Variants in PARD3 observed in about 807,000 individuals in gnomAD.
The protein encoded by PARD3 is par-3 family cell polarity regulator.
A neutral mutation model predicts 155.4 loss-of-function variants in PARD3; 75 were observed. The ratio of observed to expected loss-of-function variants is 0.48; its 90% CI spans 0.40 to 0.58. PARD3 has a LOEUF of 0.58. Among genes scored for constraint, PARD3 ranks in the 20% least tolerant of loss-of-function variants. PARD3 has a pLI of 0.00. For synonymous variants in PARD3, 576 were observed against 610.5 expected, an observed-to-expected ratio of 0.94 and a Z score of 0.83; for missense variants, 1,642 against 1,721.7, an observed-to-expected ratio of 0.95 and a Z score of 0.82.
chr10:34,243,410 C>T (rs1380173888), intron 22 of PARD3, among the ~76,000 whole-genome samples: 2 of 152,166 alleles, frequency 1.3e-5, no homozygotes. Flanking sequence ...GCAGTTTTTA[C>T]AGATTAAATT....
In PARD3 at chr10:34,814,805, G is replaced by A. The variant is rs1193398795; in HGVS notation, c.120+71C>T. The A allele has an allele frequency of 6.0e-5, 76 of 1,269,058 alleles. No homozygotes were observed. The East Asian group carries it at 1.9e-3, about 32-fold the overall frequency. 78.6% of individuals were successfully genotyped at this position (1,269,058 alleles called of 1,614,324 possible). On this transcript the variant is annotated intron_variant, in intron 1 of 24. Coordinates refer to ENST00000374788, the MANE Select transcript of PARD3 (RefSeq NM_001184785.2). Reference sequence around the variant, plus strand: ...CCCTGCGCCTCTCCTCCCCCTTCCAGGAAGCGCCATATTGATCCCGGCGCC... The same window carrying A: ...CCCTGCGCCTCTCCTCCCCCTTCCAAGAAGCGCCATATTGATCCCGGCGCC...
chr10:34,740,238 C>A (rs2094984846), intron 1 of PARD3, among the ~76,000 whole-genome samples: 1 of 152,214 alleles, frequency 6.6e-6, no homozygotes, highest in South Asian at 2.1e-4. Flanking sequence ...CAGCCCCAGC[C>A]TGCTGGGAGA....
chr10:34,282,144 T>C (rs1190424000), intron 21 of PARD3, among the ~76,000 whole-genome samples: 1 of 134,716 alleles, frequency 7.4e-6, no homozygotes, highest in Admixed American at 7.3e-5. Context: ...GTCCGTTTCT[T>C]GCATTCACTT....
Position 34,269,638 on chromosome 10 carries a change from G to C in PARD3, c.3419+19C>G, listed in dbSNP as rs377111454. 5 of 1,610,054 alleles carry C rather than the reference G, an allele frequency of 3.1e-6. No individual in the cohort carries two copies. In the African/African-American group the frequency reaches 6.7e-5, roughly 22 times the overall value. ...AAAGCTGATTTGGAAGCAATACCAC[G>C]ATTGCCCCTGGCGCCTACCTGTCTA... On this transcript the variant is annotated intron_variant, in intron 22 of 24. Transcript: ENST00000374788.
At position 34,210,984 on chromosome 10, in the gene PARD3, G is replaced by A. The variant is rs1266396191; in HGVS notation, c.3419+58673C>T. Among the ~76,000 whole-genome samples the A allele has an allele frequency of 2.0e-5, 3 of 152,134 alleles. No individual in the cohort carries two copies. In the East Asian group the frequency reaches 5.8e-4, roughly 29 times the overall value. On this transcript the variant is annotated intron_variant, in intron 22 of 24. Coordinates refer to ENST00000374788, the MANE Select transcript of PARD3 (RefSeq NM_001184785.2). ...AAGGGAGGACAGGTGACATGTTTAT[G>A]GGCTTAGGAGGAGTGAGGAACTGTG...
At chr10:34,516,114 G>A (rs942023022) in intron 3 of PARD3, among the ~76,000 whole-genome samples, 5 of 151,938 alleles carry the variant, frequency 3.3e-5, no homozygotes, top group African/African-American at 7.3e-5. Flanking sequence ...ACAGGCAACC[G>A]CCACCACGCC....
At chr10:34,793,156 C>A (rs1162973758) in intron 1 of PARD3, among the ~76,000 whole-genome samples, 2 of 152,088 alleles carry the variant, frequency 1.3e-5, no homozygotes, top group African/African-American at 4.8e-5. Flanking sequence ...GCAGAGGCCA[C>A]AAAGAGCTTT....
At chr10:34,811,481 T>C (rs1844170959) in intron 1 of PARD3, among the ~76,000 whole-genome samples, 1 of 152,200 alleles carries the variant, frequency 6.6e-6, no homozygotes, top group East Asian at 1.9e-4. Flanking sequence ...AGCACTGCCC[T>C]ATATCAAGGT....
intron 2 of PARD3, among the ~76,000 whole-genome samples, chr10:34,631,977 T>C (rs1272993577): frequency 6.6e-6 from 1 of 152,204 alleles, no homozygotes; most frequent in Non-Finnish European, 1.5e-5. Flanking sequence ...CGTATTGATG[T>C]TTAATTAGAA....
At chr10:34,668,474 G>T (rs1224203592) in intron 2 of PARD3, among the ~76,000 whole-genome samples, 1 of 152,142 alleles carries the variant, frequency 6.6e-6, no homozygotes, top group Non-Finnish European at 1.5e-5. Context: ...CATGTGAGTA[G>T]CTTCAAGAGA....
chr10:34,266,151 AT>A (rs1362698778), intron 22 of PARD3, among the ~76,000 whole-genome samples: 2 of 152,072 alleles, frequency 1.3e-5, no homozygotes, highest in African/African-American at 4.8e-5. Flanking sequence ...GTCCTATTTT[AT>A]TTTTACACAT....
intron 2 of PARD3, among the ~76,000 whole-genome samples, chr10:34,580,425 C>T (rs2087333655): frequency 6.6e-6 from 1 of 152,070 alleles, no homozygotes; most frequent in Admixed American, 6.5e-5. Context: ...GTCCCAGCTA[C>T]TCGGGAGGCT....
intron 18 of PARD3, among the ~76,000 whole-genome samples, chr10:34,332,591 T>G (rs1408765910): frequency 6.6e-6 from 1 of 152,202 alleles, no homozygotes; most frequent in Non-Finnish European, 1.5e-5. Context: ...CAAAATTTAA[T>G]TTTTTAAGAT....
chr10:34,182,417 A>ATG (rs1950307550), intron 22 of PARD3, among the ~76,000 whole-genome samples: 20 of 152,244 alleles, frequency 1.3e-4, no homozygotes, highest in Admixed American at 1.3e-3. Flanking sequence ...GTAGAGATGT[A>ATG]TGTGTGTGTA....
intron 5 of PARD3, among the ~76,000 whole-genome samples, chr10:34,414,837 T>A (rs181644981): frequency 5.7e-4 from 86 of 151,392 alleles, no homozygotes; most frequent in Non-Finnish European, 9.6e-4. Context: ...ATAAAAAAAA[T>A]TAAAAAGCAA....
At chr10:34,749,017 A>G (rs1459732087) in intron 1 of PARD3, among the ~76,000 whole-genome samples, 2 of 152,224 alleles carry the variant, frequency 1.3e-5, no homozygotes, top group Non-Finnish European at 2.9e-5. Context: ...GCTGTTAAAT[A>G]CTAACGGCAT....
At chr10:34,645,130 G>T (rs983679673) in intron 2 of PARD3, among the ~76,000 whole-genome samples, 5 of 152,046 alleles carry the variant, frequency 3.3e-5, no homozygotes, top group Non-Finnish European at 7.4e-5. Flanking sequence ...TGGAATTACA[G>T]GCATGAGCCA....
intron 22 of PARD3, among the ~76,000 whole-genome samples, chr10:34,182,877 T>C (rs1440414463): frequency 6.6e-6 from 1 of 152,198 alleles, no homozygotes; most frequent in Non-Finnish European, 1.5e-5. Flanking sequence ...ATAGTGTCTT[T>C]CTCATCAGAA....
intron 1 of PARD3, among the ~76,000 whole-genome samples, chr10:34,710,443 C>T (rs906490657): frequency 6.0e-5 from 1 of 16,770 alleles, no homozygotes; most frequent in Non-Finnish European, 1.1e-4. Flanking sequence ...CTCTTCCTCT[C>T]CTGTTCCCAA....
Sources: gnomAD v4.1 joint callset for allele counts (sites outside exome capture counted in the v4.1 genomes callset) on GRCh38, gnomAD v4.1.1 for gene constraint, MANE v1.5 for transcripts, NCBI Gene and HGNC (gene_info 2026-07-23, HGNC 2026-07-21) for gene names.